Variants in LUC7L3 observed in about 807,000 individuals in gnomAD.
LUC7L3 encodes LUC7 like 3 pre-mRNA splicing factor, also known as luc7-like protein 3.
A neutral mutation model predicts 66.8 loss-of-function variants in LUC7L3; 6 were observed. The observed-to-expected ratio is 0.09, with a 90% CI of 0.05 to 0.18. LUC7L3 has a LOEUF of 0.18. LUC7L3 is among the 10% of genes least tolerant of loss of function. The pLI, the probability that LUC7L3 is intolerant of heterozygous loss-of-function variation, is 1.00. For missense variants in LUC7L3, 341 were observed against 531.1 expected (o/e 0.64, Z 3.52); for synonymous variants, 160 against 174.7 (o/e 0.92, Z 0.66).
At chr17:50,746,100 C>T in intron 8 of LUC7L3, 97 bp downstream of exon 8, 5 of 1,423,470 alleles carry the variant, frequency 3.5e-6, no homozygotes, top group Non-Finnish European at 4.6e-6. Flanking sequence ...ACTTGGGAAG[C>T]TCTTAAGCAT....
At chr17:50,725,610 C>T (rs1969128778) in intron 1 of LUC7L3, among the ~76,000 whole-genome samples, 1 of 152,042 alleles carries the variant, frequency 6.6e-6, no homozygotes, top group African/African-American at 2.4e-5. Flanking sequence ...TAAAATTGAC[C>T]CTTGAACAAC....
Position 50,741,147 on chromosome 17 carries a change from T to A in LUC7L3, c.252T>A (p.Asp84Glu). ...SRFMKVGYERDFLRYLQSLLA... is the reference protein window; with the variant it reads ...SRFMKVGYEREFLRYLQSLLA... Reference sequence around the variant, plus strand: ...TCATGAAAGTTGGCTATGAGAGAGATTTTTTGCGATACTTACAGAGCTTAC... The same window carrying A: ...TCATGAAAGTTGGCTATGAGAGAGAATTTTTGCGATACTTACAGAGCTTAC... The change falls in exon 4 of 10, where the codon GAT becomes GAA. Residue 84 changes from aspartate (D) to glutamate (E), a missense_variant. By Grantham distance (45) the Asp-to-Glu change is conservative. Transcript: ENST00000505658. 1.2e-6 allele frequency: 2 copies of A among 1,614,018 alleles called. No homozygotes were observed. Among genetic ancestry groups the A allele is most frequent in the Non-Finnish European group, 1.7e-6 (2 of 1,179,928 alleles).
intron 1 of LUC7L3, among the ~76,000 whole-genome samples, chr17:50,725,231 G>A (rs1350019312): frequency 1.3e-5 from 2 of 152,118 alleles, no homozygotes; most frequent in Non-Finnish European, 2.9e-5. Context: ...CCAACATGGC[G>A]AAACCCTGTC....
At position 50,731,996 on chromosome 17, in the gene LUC7L3, G is replaced by T. The variant is rs370668590; in HGVS notation, c.100-4964G>T. On this transcript the variant is annotated intron_variant, in intron 1 of 9. Coordinates refer to ENST00000505658, the MANE Select transcript of LUC7L3 (RefSeq NM_016424.5). ...ATAGGGACCTACGAACAGAAGCCAG[G>T]TCTGTGTCTTGGGCAGCTGCTGGCG... Among the ~76,000 whole-genome samples, 142 of 152,294 alleles carry T rather than the reference G, an allele frequency of 9.3e-4. 1 individual carries two copies. Among genetic ancestry groups the T allele is most frequent in the African/African-American group, 3.3e-3 (137 of 41,554 alleles).
Position 50,752,326 on chromosome 17 carries a change from A to T in LUC7L3, c.*1665A>T, listed in dbSNP as rs1384749377. 3.4e-5 allele frequency: 26 copies of T among 757,632 alleles called. No individual in the cohort carries two copies. In the East Asian group the frequency reaches 5.6e-4, roughly 16 times the overall value. 46.9% of individuals were successfully genotyped at this position (757,632 alleles called of 1,614,324 possible). A position where few individuals can be genotyped will look rare whatever the true frequency, so the allele number is the denominator to read the frequency against. On this transcript the variant is annotated 3_prime_UTR_variant, in exon 10 of 10. Transcript: ENST00000505658. ...AGTATAAAGCTCAGTTAGTTTTTTT[A>T]TTATTATTATTATTAAAAGTTAATT...
At position 50,752,172 on chromosome 17, in the gene LUC7L3, T is replaced by C. The variant is rs1971003991; in HGVS notation, c.*1511T>C. ...TGGCCTTTTACATGTTGTCTAATTA[T>C]CATTTTTCCCCAAATTTTGCGTTGT... On this transcript the variant is annotated 3_prime_UTR_variant, in exon 10 of 10. Coordinates refer to ENST00000505658, the MANE Select transcript of LUC7L3 (RefSeq NM_016424.5). 7.8e-7 allele frequency: 1 copy of C among 1,284,570 alleles called. No individual in the cohort carries two copies. Among genetic ancestry groups the C allele is most frequent in the Non-Finnish European group, 1.0e-6 (1 of 986,606 alleles). 79.6% of individuals were successfully genotyped at this position (1,284,570 alleles called of 1,614,324 possible).
intron 9 of LUC7L3, among the ~76,000 whole-genome samples, chr17:50,747,239 TTTTTTTTTG>T (rs2143041030): frequency 1.1e-5 from 1 of 90,682 alleles, no homozygotes; most frequent in Non-Finnish European, 2.0e-5. Flanking sequence ...TTTCTTTTTT[TTTTTTTTTG>T]GTGTGGCATC....
chr17:50,743,641 G>A lies in LUC7L3; in HGVS notation c.427-65G>A, dbSNP rs1970489546. ...GGAAAACAACCACTAATGAACCATGGGGAAAAAAGACAATAGTTGGGTTTG... is the reference window on the plus strand; with the variant it reads ...GGAAAACAACCACTAATGAACCATGAGGAAAAAAGACAATAGTTGGGTTTG... On this transcript the variant is annotated intron_variant, in intron 5 of 9. Coordinates refer to ENST00000505658, the MANE Select transcript of LUC7L3 (RefSeq NM_016424.5). 2.9e-6 allele frequency: 3 copies of A among 1,023,478 alleles called. No homozygotes were observed. In the South Asian group the frequency reaches 4.3e-5, roughly 15 times the overall value. 63.4% of individuals were successfully genotyped at this position (1,023,478 alleles called of 1,614,324 possible). A position where few individuals can be genotyped will look rare whatever the true frequency, so the allele number is the denominator to read the frequency against.
chr17:50,732,441 G>T (rs1315013570), intron 1 of LUC7L3, among the ~76,000 whole-genome samples: 6 of 152,120 alleles, frequency 3.9e-5, no homozygotes, highest in Admixed American at 3.9e-4. Flanking sequence ...AAGTGCAGTG[G>T]CATGATCACC....
chr17:50,750,601 G>A lies in LUC7L3; in HGVS notation c.1239G>A (p.Lys413=). The A allele has an allele frequency of 6.2e-7, 1 of 1,614,086 alleles. No individual in the cohort carries two copies. The highest frequency in any genetic ancestry group is 8.5e-7 in the Non-Finnish European group (1 of 1,179,990). The change falls in exon 10 of 10, where the codon AAG becomes AAA. Residue 413 remains lysine (K), a synonymous_variant. Transcript: ENST00000505658. ...CTGAATCGAAGGAAAGTGATACTAAGAATGAGGTCAATGGGACCAGTGAAG... is the reference window on the plus strand; with the variant it reads ...CTGAATCGAAGGAAAGTGATACTAAAAATGAGGTCAATGGGACCAGTGAAG... ...TNTESKESDT[K]NEVNGTSEDI...
At chr17:50,727,511 G>C (rs1464145124) in intron 1 of LUC7L3, among the ~76,000 whole-genome samples, 2 of 152,134 alleles carry the variant, frequency 1.3e-5, no homozygotes, top group African/African-American at 2.4e-5. Flanking sequence ...CCAAACCATA[G>C]CAGTGCCCCA....
In LUC7L3 at chr17:50,750,569, A is replaced by G. The variant is rs778162649; in HGVS notation, c.1207A>G (p.Thr403Ala). ...TAGTCGAGAAAAGCAGAGTGAAGAC[A>G]CAAACACTGAATCGAAGGAAAGTGA... ...SGSREKQSEDTNTESKESDTK... is the reference protein window; with the variant it reads ...SGSREKQSEDANTESKESDTK... Residue 403 changes from threonine to alanine, a missense_variant, in exon 10 of 10, where the codon ACA (threonine) becomes GCA (alanine). Thr to Ala is a moderately conservative substitution (Grantham distance 58, BLOSUM62 0). Coordinates refer to ENST00000505658, the MANE Select transcript of LUC7L3 (RefSeq NM_016424.5). The G allele has an allele frequency of 3.2e-5, 52 of 1,614,064 alleles. No individual in the cohort carries two copies. In the Middle Eastern group the frequency reaches 6.6e-4, roughly 20 times the overall value.
At chr17:50,740,645 G>A (rs1300207916) in intron 3 of LUC7L3, among the ~76,000 whole-genome samples, 1 of 151,944 alleles carries the variant, frequency 6.6e-6, no homozygotes, top group Non-Finnish European at 1.5e-5. Flanking sequence ...TGCAACCTCC[G>A]CCTCCCAGGT....
intron 2 of LUC7L3, 51 bp from the exon 3 acceptor site, chr17:50,740,255 A>G (rs1970266353): frequency 1.5e-6 from 2 of 1,356,448 alleles, no homozygotes; most frequent in East Asian, 2.4e-5. Flanking sequence ...TTGGCAAGAA[A>G]AGGTTGCTAA....
intron 1 of LUC7L3, 71 bp downstream of exon 1, chr17:50,719,902 C>A (rs1157086381): frequency 7.0e-7 from 1 of 1,430,206 alleles, no homozygotes; most frequent in Non-Finnish European, 9.5e-7. Flanking sequence ...CTGTGGCCCT[C>A]CTGGCCGCGG....
chr17:50,755,600 A>G lies in LUC7L3; in HGVS notation c.*4939A>G, dbSNP rs983688238. The G allele has an allele frequency of 6.6e-6, 1 of 152,226 alleles. No homozygotes were observed. The highest frequency in any genetic ancestry group is 2.4e-5 in the African/African-American group (1 of 41,458). The allele number at this position is 152,226 out of a possible 1,614,324, so 9.4% of individuals were successfully genotyped here. On this transcript the variant is annotated 3_prime_UTR_variant, in exon 10 of 10. Transcript: ENST00000505658. ...TTTCTTCCCCTCAGCCATCCCAAAT[A>G]GGTCATTTGTCAACAGATTTAAGAA...
intron 1 of LUC7L3, 109 bp downstream of exon 1, chr17:50,719,940 G>A (rs1968624893): frequency 1.0e-6 from 1 of 971,268 alleles, no homozygotes; most frequent in Non-Finnish European, 1.5e-6. Flanking sequence ...CGCACCCGGG[G>A]TCGAGCGTCT....
chr17:50,733,709 C>T (rs1286973378), intron 1 of LUC7L3, among the ~76,000 whole-genome samples: 6 of 152,096 alleles, frequency 3.9e-5, no homozygotes, highest in Non-Finnish European at 7.4e-5. Context: ...AATAGTAAGA[C>T]TTTTCATGTG....
intron 1 of LUC7L3, among the ~76,000 whole-genome samples, chr17:50,726,063 AG>A (rs1969160806): frequency 6.6e-6 from 1 of 152,220 alleles, no homozygotes; most frequent in African/African-American, 2.4e-5. Context: ...TCTCTGCATG[AG>A]CAGTTGGTGT....
Sources: gnomAD v4.1 joint callset for allele counts (sites outside exome capture counted in the v4.1 genomes callset) on GRCh38, gnomAD v4.1.1 for gene constraint, MANE v1.5 for transcripts, NCBI Gene and HGNC (gene_info 2026-07-23, HGNC 2026-07-21) for gene names.